Variants in EYA4 observed in about 807,000 individuals in gnomAD.
EYA4 encodes the protein EYA transcriptional coactivator and phosphatase 4, also known as protein phosphatase EYA4.
Under a neutral mutation model 87.9 loss-of-function variants are expected in EYA4, and 31 were observed. That is an observed-to-expected ratio of 0.35 (90% confidence interval 0.27 to 0.48). The LOEUF is 0.48. EYA4 is among the 20% of genes least tolerant of loss of function. The pLI, the probability that EYA4 is intolerant of heterozygous loss-of-function variation, is 0.99. For missense variants in EYA4, 678 were observed against 761.4 expected, an observed-to-expected ratio of 0.89 and a Z score of 1.29; for synonymous variants, 263 against 270.6, an observed-to-expected ratio of 0.97 and a Z score of 0.28.
chr6:133,294,987 G>A (rs1261019029), intron 2 of EYA4, among the ~76,000 whole-genome samples: 1 of 152,020 alleles, frequency 6.6e-6, no homozygotes, highest in Admixed American at 6.6e-5. Flanking sequence ...TTGCTCTAGT[G>A]TAATATAGCT....
intron 3 of EYA4, among the ~76,000 whole-genome samples, chr6:133,394,753 G>A (rs1787643378): frequency 6.6e-6 from 1 of 152,158 alleles, no homozygotes; most frequent in African/African-American, 2.4e-5. Flanking sequence ...ATTACAAGTA[G>A]GCATAGTGAT....
intron 2 of EYA4, among the ~76,000 whole-genome samples, chr6:133,281,794 C>G (rs1777647447): frequency 6.6e-6 from 1 of 152,054 alleles, no homozygotes; most frequent in Non-Finnish European, 1.5e-5. Context: ...CGGTAGTTCC[C>G]ACTGTCTATT....
At position 133,441,720 on chromosome 6, in the gene EYA4, T is replaced by C. The variant is rs559268118; in HGVS notation, c.84-4910T>C. Among the ~76,000 whole-genome samples, 224 of 151,756 alleles carry C rather than the reference T, an allele frequency of 1.5e-3. 1 individual carries two copies. Among genetic ancestry groups the C allele is most frequent in the Non-Finnish European group, 4.9e-4 (33 of 67,890 alleles). ...GCAGGTAGTAGGTAATTGGAATGAG[T>C]TGGGATGAAGCAGGTAATCAGAATG... is the stretch of plus-strand genomic sequence containing the variant. On this transcript the variant is annotated intron_variant, in intron 3 of 19. Coordinates refer to ENST00000355286, the MANE Select transcript of EYA4 (RefSeq NM_004100.5).
chr6:133,379,761 C>G (rs770218355), intron 2 of EYA4, among the ~76,000 whole-genome samples: 1 of 152,098 alleles, frequency 6.6e-6, no homozygotes, highest in South Asian at 2.1e-4. Context: ...TAATGATGTA[C>G]CAGATCAATG....
intron 13 of EYA4, among the ~76,000 whole-genome samples, chr6:133,495,757 A>C (rs531590228): frequency 1.3e-5 from 2 of 152,194 alleles, no homozygotes; most frequent in African/African-American, 4.8e-5. Flanking sequence ...TGTTGAGCAC[A>C]GATTGCTGCG....
chr6:133,304,253 A>G (rs1779638890), intron 2 of EYA4, among the ~76,000 whole-genome samples: 3 of 152,174 alleles, frequency 2.0e-5, no homozygotes, highest in Non-Finnish European at 2.9e-5. Context: ...TTACTTAATT[A>G]TCTAGTGGGG....
chr6:133,405,839 G>A (rs1397376233), intron 3 of EYA4, among the ~76,000 whole-genome samples: 1 of 152,076 alleles, frequency 6.6e-6, no homozygotes, highest in African/African-American at 2.4e-5. Context: ...GCCTTAGTGA[G>A]AGCTGGGTCT....
At chr6:133,464,916 C>A in intron 10 of EYA4, 58 bp downstream of exon 10, 1 of 1,165,722 alleles carries the variant, frequency 8.6e-7, no homozygotes, top group South Asian at 1.2e-5. Flanking sequence ...TTGAAGAGTA[C>A]TCTCAGGTTG....
chr6:133,448,670 C>T (rs939247567), intron 5 of EYA4, among the ~76,000 whole-genome samples: 1 of 152,086 alleles, frequency 6.6e-6, no homozygotes, highest in Non-Finnish European at 1.5e-5. Context: ...TCAATATCCC[C>T]TCACCTTAAA....
intron 3 of EYA4, among the ~76,000 whole-genome samples, chr6:133,402,658 A>C (rs1328836112): frequency 6.6e-6 from 1 of 152,038 alleles, no homozygotes; most frequent in African/African-American, 2.4e-5. Context: ...TGGGTGTCAT[A>C]TGCTTACATC....
At chr6:133,475,317 A>G (rs554800314) in intron 11 of EYA4, among the ~76,000 whole-genome samples, 1 of 152,240 alleles carries the variant, frequency 6.6e-6, no homozygotes, top group East Asian at 1.9e-4. Context: ...GCACATGAAG[A>G]TGAGAAATAT....
chr6:133,299,826 T>C (rs934004333), intron 2 of EYA4, among the ~76,000 whole-genome samples: 3 of 151,478 alleles, frequency 2.0e-5, no homozygotes, highest in African/African-American at 7.3e-5. Flanking sequence ...ATTAGAAGTT[T>C]ATATGATGAT....
rs1380742306 is a variant in EYA4, at chr6:133,431,433, A to C, written c.84-15197A>C. Reference sequence around the variant, plus strand: ...TTTAATAAAGTAAAGCTACCTATTCAGGGAGTTTGTGCAAGTAATAGCACT... The same window carrying C: ...TTTAATAAAGTAAAGCTACCTATTCCGGGAGTTTGTGCAAGTAATAGCACT... On this transcript the variant is annotated intron_variant, in intron 3 of 19. Transcript: ENST00000355286. 5.9e-5 allele frequency among the ~76,000 whole-genome samples: 9 copies of C among 152,206 alleles called. 1 individual carries two copies.
At chr6:133,261,076 T>C (rs1775764841) in intron 1 of EYA4, among the ~76,000 whole-genome samples, 1 of 152,240 alleles carries the variant, frequency 6.6e-6, no homozygotes, top group Non-Finnish European at 1.5e-5. Context: ...CTTTGTCTTA[T>C]TGATGTATCT....
chr6:133,443,862 C>A (rs1436101062), intron 3 of EYA4, among the ~76,000 whole-genome samples: 1 of 151,892 alleles, frequency 6.6e-6, no homozygotes, highest in Non-Finnish European at 1.5e-5. Flanking sequence ...TAAATTAATT[C>A]ATTGTGGTCA....
At chr6:133,431,207 G>A (rs956494224) in intron 3 of EYA4, among the ~76,000 whole-genome samples, 2 of 152,124 alleles carry the variant, frequency 1.3e-5, no homozygotes, top group Non-Finnish European at 2.9e-5. Context: ...ATATAAGGAA[G>A]CAAGGCCTTA....
chr6:133,401,979 A>G (rs1015115373), intron 3 of EYA4, among the ~76,000 whole-genome samples: 2 of 152,134 alleles, frequency 1.3e-5, no homozygotes, highest in Non-Finnish European at 2.9e-5. Context: ...CTGTTCTTTG[A>G]GCATAACCAT....
At chr6:133,379,015 C>G (rs550820536) in intron 2 of EYA4, among the ~76,000 whole-genome samples, 1 of 151,348 alleles carries the variant, frequency 6.6e-6, no homozygotes, top group South Asian at 2.1e-4. Context: ...GGCCCACCCC[C>G]TTGTGTGTCT....
chr6:133,349,109 C>G (rs1783438212), intron 2 of EYA4, among the ~76,000 whole-genome samples: 1 of 152,172 alleles, frequency 6.6e-6, no homozygotes, highest in Non-Finnish European at 1.5e-5. Context: ...CACTTACTTT[C>G]CTCTATGTCT....
Sources: gnomAD v4.1 joint callset for allele counts (sites outside exome capture counted in the v4.1 genomes callset) on GRCh38, gnomAD v4.1.1 for gene constraint, MANE v1.5 for transcripts, NCBI Gene and HGNC (gene_info 2026-07-23, HGNC 2026-07-21) for gene names.